Variants in ANK3 observed in about 807,000 individuals in gnomAD.
The protein encoded by ANK3 is ankyrin-3.
A neutral mutation model predicts 370.9 loss-of-function variants in ANK3; 57 were observed. That is an observed-to-expected ratio of 0.15 (90% confidence interval 0.12 to 0.19). The LOEUF is 0.19. Among genes scored for constraint, ANK3 ranks in the 10% least tolerant of loss-of-function variants. The pLI, the probability that ANK3 is intolerant of heterozygous loss-of-function variation, is 1.00. For missense variants in ANK3, 4,439 were observed against 5,302.1 expected, an observed-to-expected ratio of 0.84 and a Z score of 5.06; for synonymous variants, 1,929 against 1,946.3, an observed-to-expected ratio of 0.99 and a Z score of 0.23.
intron 2 of ANK3, among the ~76,000 whole-genome samples, chr10:60,457,437 G>T (rs756216211): frequency 6.6e-6 from 1 of 152,132 alleles, no homozygotes; most frequent in Non-Finnish European, 1.5e-5. Context: ...AAGTCAGGTA[G>T]AACAGAAGCC....
At chr10:60,713,500 G>GA (rs1202168096) in intron 1 of ANK3, among the ~76,000 whole-genome samples, 2 of 151,918 alleles carry the variant, frequency 1.3e-5, no homozygotes, top group Non-Finnish European at 2.9e-5. Flanking sequence ...AAATATATCA[G>GA]AAAAAAGACA....
At chr10:60,732,237 C>T (rs1052351829) in intron 1 of ANK3, among the ~76,000 whole-genome samples, 46 of 152,210 alleles carry the variant, frequency 3.0e-4, no homozygotes, top group Admixed American at 2.1e-3. Flanking sequence ...AAGTCTCCCT[C>T]CTCACCCTCT....
chr10:60,393,125 T>C (rs981804329), upstream of ANK3, among the ~76,000 whole-genome samples: 2 of 152,338 alleles, frequency 1.3e-5, no homozygotes, highest in South Asian at 2.1e-4. Context: ...GAAGAAATCA[T>C]TCTTCAAATA....
At chr10:60,270,663 T>C (rs1352872862) in intron 4 of ANK3, among the ~76,000 whole-genome samples, 1 of 152,198 alleles carries the variant, frequency 6.6e-6, no homozygotes, top group Non-Finnish European at 1.5e-5. Context: ...TAAATAAACA[T>C]GTAATATTTT....
At chr10:60,103,922 T>C (rs2091746112) in intron 28 of ANK3, among the ~76,000 whole-genome samples, 1 of 152,170 alleles carries the variant, frequency 6.6e-6, no homozygotes, top group African/African-American at 2.4e-5. Context: ...AAGAATGAGA[T>C]CCTGTCTTTT....
At chr10:60,513,150 G>A (rs1376564090) in intron 2 of ANK3, among the ~76,000 whole-genome samples, 1 of 152,108 alleles carries the variant, frequency 6.6e-6, no homozygotes, top group Non-Finnish European at 1.5e-5. Flanking sequence ...TAATTGAGGA[G>A]AGGAATTCAT....
intron 2 of ANK3, among the ~76,000 whole-genome samples, chr10:60,608,449 A>C (rs905637514): frequency 6.6e-6 from 1 of 152,178 alleles, no homozygotes; most frequent in Admixed American, 6.5e-5. Context: ...CTAAGTAGTG[A>C]GTGATATGCA....
At chr10:60,240,283 T>TATATATACACACACAC (rs1565918720) in intron 7 of ANK3, among the ~76,000 whole-genome samples, 11 of 57,688 alleles carry the variant, frequency 1.9e-4, no homozygotes, top group African/African-American at 8.8e-4. Context: ...CACACACACA[T>TATATATACACACACAC]ATATATATAT....
At chr10:60,076,595 G>A in intron 36 of ANK3, 147 bp from the exon 37 acceptor site, 1 of 1,071,154 alleles carries the variant, frequency 9.3e-7, no homozygotes, top group East Asian at 2.8e-5. Context: ...GAATGGAAGA[G>A]GCAAAAGGAA....
At chr10:60,270,707 T>C (rs1376347598) in intron 4 of ANK3, among the ~76,000 whole-genome samples, 5 of 152,202 alleles carry the variant, frequency 3.3e-5, no homozygotes, top group Non-Finnish European at 5.9e-5. Flanking sequence ...TTTGACTAGT[T>C]CAGGGAGGAA....
chr10:60,100,337 T>TCTC (rs2091027763), intron 28 of ANK3, among the ~76,000 whole-genome samples: 1 of 148,680 alleles, frequency 6.7e-6, no homozygotes, highest in Non-Finnish European at 1.5e-5. Context: ...TTACTAGATT[T>TCTC]CTCCAGCAGA....
At chr10:60,611,769 A>G (rs1169325589) in intron 2 of ANK3, among the ~76,000 whole-genome samples, 1 of 150,924 alleles carries the variant, frequency 6.6e-6, no homozygotes, top group East Asian at 1.9e-4. Context: ...ATTTACAGGC[A>G]TCTAAATCAA....
chr10:60,196,568 G>C lies in ANK3; in HGVS notation c.1747C>G (p.Leu583Val). 6.2e-7 allele frequency: 1 copy of C among 1,612,940 alleles called. No homozygotes were observed. Among genetic ancestry groups the C allele is most frequent in the Non-Finnish European group, 8.5e-7 (1 of 1,179,736 alleles). The change falls in exon 15 of 44, where the codon CTC becomes GTC. Residue 583 changes from leucine to valine, a missense_variant. Around this residue, in one of 13 missense-constraint regions of ANK3, gnomAD observed 192 missense variants for 192.1 expected, o/e 1.00. Coordinates refer to ENST00000280772, the MANE Select transcript of ANK3 (RefSeq NM_020987.5). ...GGAGATGCACTTTTCTGTAGCAGGA[G>C]ATTGGCGACTTCAAGCTTTCCATAT... ...AKYGKLEVAN[L>V]LLQKSASPDA... is the part of the protein sequence containing the mutation.
chr10:60,467,862 T>A (rs1158311638), intron 2 of ANK3, among the ~76,000 whole-genome samples: 1 of 151,844 alleles, frequency 6.6e-6, no homozygotes, highest in African/African-American at 2.4e-5. Context: ...AGAAACCTAA[T>A]AAATACGGAG....
intron 25 of ANK3, among the ~76,000 whole-genome samples, chr10:60,127,800 C>A (rs189591759): frequency 1.3e-5 from 2 of 150,156 alleles, no homozygotes; most frequent in African/African-American, 2.5e-5. Context: ...CTGGTTCAAG[C>A]GATTTTCCTG....
intron 2 of ANK3, among the ~76,000 whole-genome samples, chr10:60,610,490 G>A (rs1486869548): frequency 3.0e-5 from 4 of 132,406 alleles, no homozygotes; most frequent in Non-Finnish European, 1.6e-5. Context: ...TACAGCCTGG[G>A]CAACGAGAGC....
intron 2 of ANK3, among the ~76,000 whole-genome samples, chr10:60,545,846 C>T (rs557200610): frequency 4.6e-5 from 7 of 152,214 alleles, no homozygotes; most frequent in Admixed American, 2.0e-4. Flanking sequence ...CAATGCTAAG[C>T]CTGTGCTATC....
chr10:60,607,284 C>CA (rs2078141163), intron 2 of ANK3, among the ~76,000 whole-genome samples: 1 of 152,040 alleles, frequency 6.6e-6, no homozygotes, highest in African/African-American at 2.4e-5. Flanking sequence ...AACCAGAGCT[C>CA]AAAGAGGTAA....
chr10:60,259,900 G>T (rs920498077), intron 7 of ANK3, among the ~76,000 whole-genome samples: 8 of 152,148 alleles, frequency 5.3e-5, no homozygotes, highest in African/African-American at 7.2e-5. Flanking sequence ...TTAAAGAAGG[G>T]CTTAGCTTTG....
Sources: gnomAD v4.1 joint callset for allele counts (sites outside exome capture counted in the v4.1 genomes callset) on GRCh38, gnomAD v4.1.1 for gene constraint, gnomAD v4.1.1 regional missense constraint, MANE v1.5 for transcripts, NCBI Gene and HGNC (gene_info 2026-07-23, HGNC 2026-07-21) for gene names.